Variants in VSIG1 observed in about 807,000 individuals in gnomAD.
VSIG1 encodes V-set and immunoglobulin domain containing 1, also known as V-set and immunoglobulin domain-containing protein 1.
VSIG1 carries 11 observed loss-of-function variants against 20.1 expected under a neutral mutation model. The ratio of observed to expected loss-of-function variants is 0.55; its 90% confidence interval spans 0.34 to 0.91. The LOEUF (loss-of-function observed/expected upper bound fraction) is 0.91, where lower values mean the gene tolerates loss of function less well. Ranked by LOEUF, VSIG1 falls within the 40% of genes least tolerant of loss-of-function variation. The probability of loss-of-function intolerance (pLI) is 0.02; values close to 1 mark genes in which losing one functional copy is unlikely to be tolerated. For synonymous variants in VSIG1, 126 were observed against 116.7 expected (o/e 1.08, Z -0.52); for missense variants, 283 against 298.8 (o/e 0.95, Z 0.39).
the VSIG1 span, among the ~76,000 whole-genome samples, chrX:108,038,332 T>C: frequency 4.5e-5 from 5 of 111,315 alleles, no homozygotes; most frequent in African/African-American, 1.3e-4. Context: ...CTCCCACTTA[T>C]GAATGAGAAC....
chrX:108,059,184 TAGTAGAAA>T (rs759801486), intron 2 of VSIG1, among the ~76,000 whole-genome samples: 2 of 110,958 alleles, frequency 1.8e-5, no homozygotes, highest in South Asian at 7.6e-4. Flanking sequence ...AGGTTTTGAT[TAGTAGAAA>T]GATAGAGGGA....
At chrX:108,019,065 C>T in the VSIG1 span, among the ~76,000 whole-genome samples, 10 of 111,886 alleles carry the variant, frequency 8.9e-5, no homozygotes, top group Non-Finnish European at 1.1e-4. Context: ...GTTCTCTAGC[C>T]CCTGGGCAGT....
chrX:108,047,875 T>TATATATACAC (rs2030645572), intron 1 of VSIG1, among the ~76,000 whole-genome samples: 1 of 28,743 alleles, frequency 3.5e-5, no homozygotes, highest in Non-Finnish European at 5.3e-5. Context: ...TATATACACA[T>TATATATACAC]ATATATATAT....
At chrX:108,020,918 G>A in the VSIG1 span, among the ~76,000 whole-genome samples, 4 of 111,720 alleles carry the variant, frequency 3.6e-5, no homozygotes, top group Admixed American at 3.8e-4. Context: ...AATCTGTTTT[G>A]GCATCTCTTG....
the VSIG1 span, among the ~76,000 whole-genome samples, chrX:108,026,554 A>T: frequency 9.0e-6 from 1 of 111,344 alleles, no homozygotes; most frequent in Admixed American, 9.6e-5. Context: ...AACCAAAGGC[A>T]TATCTGCTGT....
At chrX:108,018,952 T>C in the VSIG1 span, among the ~76,000 whole-genome samples, 1 of 111,533 alleles carries the variant, frequency 9.0e-6, no homozygotes, top group South Asian at 3.8e-4. Flanking sequence ...GGGCAGCATA[T>C]GCTGGCACCA....
chrX:108,062,705 C>T (rs907832128), intron 2 of VSIG1, among the ~76,000 whole-genome samples: 3 of 111,679 alleles, frequency 2.7e-5, no homozygotes, highest in African/African-American at 9.8e-5. Context: ...CATCCCTGCA[C>T]CACAATACAG....
At chrX:108,022,659 G>C in the VSIG1 span, among the ~76,000 whole-genome samples, 1 of 111,717 alleles carries the variant, frequency 9.0e-6, no homozygotes, top group Non-Finnish European at 1.9e-5. Flanking sequence ...TTCATTATTG[G>C]GTATGATGTT....
chrX:108,065,444 C>T (rs1000716255), intron 2 of VSIG1, among the ~76,000 whole-genome samples: 13 of 111,697 alleles, frequency 1.2e-4, no homozygotes, highest in African/African-American at 4.2e-4. Context: ...TTAGTCTCAC[C>T]AGACTAAGAC....
chrX:108,027,749 A>G, the VSIG1 span, among the ~76,000 whole-genome samples: 1 of 111,806 alleles, frequency 8.9e-6, no homozygotes, highest in Non-Finnish European at 1.9e-5. Flanking sequence ...AAATGAGTCT[A>G]GAAGCAGAGA....
At chrX:108,066,756 A>C (rs913327023) in intron 2 of VSIG1, among the ~76,000 whole-genome samples, 180 bp from the exon 3 acceptor site, 4 of 111,813 alleles carry the variant, frequency 3.6e-5, no homozygotes, top group African/African-American at 1.3e-4. Context: ...CCAAATGCGC[A>C]GCTGTGAGCA....
At chrX:108,071,700 G>A (rs1375853841) in intron 3 of VSIG1, among the ~76,000 whole-genome samples, 1 of 110,264 alleles carries the variant, frequency 9.1e-6, no homozygotes, top group Non-Finnish European at 1.9e-5. Flanking sequence ...CTGTGTGAAA[G>A]TTACTTTTGA....
At chrX:108,072,869 G>C in intron 4 of VSIG1, 37 bp downstream of exon 4, 1 of 1,184,618 alleles carries the variant, frequency 8.4e-7, no homozygotes, top group Non-Finnish European at 1.1e-6. Context: ...GAAAGGCCTG[G>C]TGTCTGTGGT....
At chrX:108,033,461 T>A in the VSIG1 span, among the ~76,000 whole-genome samples, 1 of 112,110 alleles carries the variant, frequency 8.9e-6, no homozygotes, top group Non-Finnish European at 1.9e-5. Flanking sequence ...TAAGCACAGC[T>A]GGGCTGCTTA....
chrX:108,031,555 T>C, the VSIG1 span, among the ~76,000 whole-genome samples: 3 of 111,906 alleles, frequency 2.7e-5, no homozygotes, highest in African/African-American at 9.8e-5. Flanking sequence ...TTGGCAATCG[T>C]AGCCATGTGG....
chrX:108,035,799 G>A, the VSIG1 span, among the ~76,000 whole-genome samples: 86 of 109,635 alleles, frequency 7.8e-4, 3 homozygotes, highest in East Asian at 0.023. Flanking sequence ...CAGGAATTGG[G>A]TTGACTATGT....
chrX:108,054,571 C>T (rs1400967228), intron 1 of VSIG1, among the ~76,000 whole-genome samples: 1 of 110,645 alleles, frequency 9.0e-6, no homozygotes, highest in East Asian at 2.8e-4. Context: ...TGTGCTTGGC[C>T]GTAAAACAAA....
intron 3 of VSIG1, among the ~76,000 whole-genome samples, chrX:108,071,176 G>A (rs1208097464): frequency 1.8e-5 from 2 of 110,819 alleles, no homozygotes; most frequent in Non-Finnish European, 3.8e-5. Flanking sequence ...TAACCACTGC[G>A]TCTCAGGTAA....
chrX:108,030,405 G>C, the VSIG1 span, among the ~76,000 whole-genome samples: 36 of 111,883 alleles, frequency 3.2e-4, no homozygotes, highest in Non-Finnish European at 5.8e-4. Flanking sequence ...GGACTTATCT[G>C]ACCCAATAGG....
Sources: gnomAD v4.1 joint callset for allele counts (sites outside exome capture counted in the v4.1 genomes callset) on GRCh38, gnomAD v4.1.1 for gene constraint, MANE v1.5 for transcripts, NCBI Gene and HGNC (gene_info 2026-07-23, HGNC 2026-07-21) for gene names.